Variants in MAP3K9 observed in about 807,000 individuals in gnomAD.
The protein encoded by MAP3K9 is mitogen-activated protein kinase kinase kinase 9.
Under a neutral mutation model 95.8 loss-of-function variants are expected in MAP3K9, and 46 were observed. The ratio of observed to expected loss-of-function variants is 0.48; its 90% confidence interval spans 0.38 to 0.61. MAP3K9 has a LOEUF of 0.61. Among genes scored for constraint, MAP3K9 ranks in the 20% least tolerant of loss-of-function variants. The pLI is 0.00. For synonymous variants in MAP3K9, 533 were observed against 593.8 expected (o/e 0.90, Z 1.49); for missense variants, 1,296 against 1,474.3 (o/e 0.88, Z 1.98).
intron 2 of MAP3K9, among the ~76,000 whole-genome samples, chr14:70,776,231 G>A (rs2054596685): frequency 6.6e-6 from 1 of 152,238 alleles, no homozygotes; most frequent in East Asian, 1.9e-4. Flanking sequence ...GAAGCTCACA[G>A]ACACTCAGGA....
chr14:70,808,952 G>T lies in MAP3K9; in HGVS notation c.220C>A (p.Arg74=), dbSNP rs2055030986. The part of the protein sequence containing the change: ...EAAGEDELTL[R]LGDVVEVLSK... The stretch of plus-strand genomic sequence containing the variant: ...AGCACCTCCACCACGTCGCCCAGCC[G>T]CAGGGTCAGCTCGTCCTCGCCCGCC... The change falls in exon 1 of 12, where the codon CGG becomes AGG. Residue 74 remains arginine, a synonymous_variant. Coordinates refer to ENST00000554752, the MANE Select transcript of MAP3K9 (RefSeq NM_001284230.2). 6.3e-7 allele frequency: 1 copy of T among 1,579,536 alleles called. No homozygotes were observed. The highest frequency in any genetic ancestry group is 8.6e-7 in the Non-Finnish European group (1 of 1,169,210).
intron 2 of MAP3K9, among the ~76,000 whole-genome samples, chr14:70,765,866 A>G (rs8019448): frequency 0.37 from 55,978 of 151,728 alleles, 10,472 homozygotes; most frequent in African/African-American, 0.39. Flanking sequence ...TGATGTTCGC[A>G]CGATGATGAA....
chr14:70,801,587 TG>T (rs2054931230), intron 1 of MAP3K9, among the ~76,000 whole-genome samples: 1 of 152,158 alleles, frequency 6.6e-6, no homozygotes, highest in South Asian at 2.1e-4. Context: ...AGCTTTACTG[TG>T]TACTCAGTGG....
Position 70,733,161 on chromosome 14 carries a change from G to C in MAP3K9, c.2208C>G (p.Thr736=), listed in dbSNP as rs1216562119. 2.5e-6 allele frequency: 4 copies of C among 1,612,484 alleles called. No individual in the cohort carries two copies. Among genetic ancestry groups the C allele is most frequent in the Non-Finnish European group, 3.4e-6 (4 of 1,178,872 alleles). Residue 736 remains threonine (T), a synonymous_variant, in exon 11 of 12, where the codon ACC becomes ACG. Coordinates refer to ENST00000554752, the MANE Select transcript of MAP3K9 (RefSeq NM_001284230.2). ...SATSTPQLTP[T]NSLKRGGAHH... is the part of the protein sequence containing the mutation. ...GGGCACCGCCCCGCTTGAGGCTGTT[G>C]GTTGGCGTCAGCTGAGGGGTACTCG...
chr14:70,738,205 T>G, intron 8 of MAP3K9, 40 bp downstream of exon 8: 1 of 1,573,988 alleles, frequency 6.4e-7, no homozygotes, highest in Non-Finnish European at 8.6e-7. Context: ...GGTACATCCA[T>G]CTTCAAGAGA....
At chr14:70,739,834 G>A (rs17108460) in intron 7 of MAP3K9, 5 of 1,469,410 alleles carry the variant, frequency 3.4e-6, no homozygotes, top group Non-Finnish European at 4.6e-6. Context: ...GTGACTAAAA[G>A]GTAGAGGGGG....
Position 70,733,154 on chromosome 14 carries a change from G to A in MAP3K9, c.2215C>T (p.Leu739Phe), listed in dbSNP as rs1288432646. ...CGGTGGTGGGCACCGCCCCGCTTGA[G>A]GCTGTTGGTTGGCGTCAGCTGAGGG... ...STPQLTPTNS[L>F]KRGGAHHRRC... The change falls in exon 11 of 12, where the codon CTC (leucine) becomes TTC (phenylalanine). Residue 739 changes from leucine to phenylalanine, a missense_variant. By Grantham distance (22) the Leu-to-Phe change is conservative. This residue lies in a region of MAP3K9 where 377 missense variants were observed against 417.1 expected (regional missense o/e 0.90). Coordinates refer to ENST00000554752, the MANE Select transcript of MAP3K9 (RefSeq NM_001284230.2). The A allele has an allele frequency of 1.2e-6, 2 of 1,612,826 alleles. No individual in the cohort carries two copies. Among genetic ancestry groups the A allele is most frequent in the Non-Finnish European group, 8.5e-7 (1 of 1,179,204 alleles).
intron 2 of MAP3K9, among the ~76,000 whole-genome samples, chr14:70,776,020 C>A (rs2054593292): frequency 6.6e-6 from 1 of 152,028 alleles, no homozygotes; most frequent in South Asian, 2.1e-4. Context: ...GAAACCCTAT[C>A]TCTACTAAAA....
intron 2 of MAP3K9, among the ~76,000 whole-genome samples, chr14:70,790,006 C>T (rs971288603): frequency 1.3e-5 from 2 of 152,154 alleles, no homozygotes; most frequent in African/African-American, 2.4e-5. Flanking sequence ...AGCAAAGCTC[C>T]GAGACACCAG....
At chr14:70,742,081 T>A (rs1262469378) in intron 6 of MAP3K9, among the ~76,000 whole-genome samples, 1 of 152,244 alleles carries the variant, frequency 6.6e-6, no homozygotes, top group Non-Finnish European at 1.5e-5. Flanking sequence ...GATGTGCCCC[T>A]GTGAGCCACC....
At chr14:70,739,863 A>C (rs1475362582) in intron 7 of MAP3K9, 179 bp downstream of exon 7, 6 of 1,541,744 alleles carry the variant, frequency 3.9e-6, no homozygotes, top group Non-Finnish European at 5.3e-6. Context: ...AAGTTAATGG[A>C]GAGAGACAAG....
rs200964112 is a variant in MAP3K9, at chr14:70,732,641, T to C, written c.2728A>G (p.Ser910Gly). The change falls in exon 11 of 12, where the codon AGC (serine) becomes GGC (glycine). Residue 910 changes from serine (S) to glycine (G), a missense_variant. Physicochemically the swap from Ser to Gly is moderately conservative, Grantham distance 56. Around this residue, in one of 5 missense-constraint regions of MAP3K9, gnomAD observed 433 missense variants for 441.4 expected, o/e 0.98. Coordinates refer to ENST00000554752, the MANE Select transcript of MAP3K9 (RefSeq NM_001284230.2). ...HVTLTTPSQP[S>G]SHRRTPSDGA... is the part of the protein sequence containing the mutation. ...TCAGAAGGAGTCCGCCGGTGACTGCTGGGCTGCGAGGGGGTGGTGAGGGTG... is the reference window on the plus strand; with the variant it reads ...TCAGAAGGAGTCCGCCGGTGACTGCCGGGCTGCGAGGGGGTGGTGAGGGTG... The C allele has an allele frequency of 3.7e-6, 6 of 1,606,728 alleles. No homozygotes were observed. The highest frequency in any genetic ancestry group is 5.1e-6 in the Non-Finnish European group (6 of 1,176,080).
At chr14:70,776,458 G>T (rs1364441636) in intron 2 of MAP3K9, among the ~76,000 whole-genome samples, 3 of 152,150 alleles carry the variant, frequency 2.0e-5, no homozygotes. Context: ...GAGTAGTACA[G>T]GCTGGACCCT....
At chr14:70,754,144 T>C (rs1323607761) in intron 3 of MAP3K9, among the ~76,000 whole-genome samples, 1 of 152,214 alleles carries the variant, frequency 6.6e-6, no homozygotes, top group Non-Finnish European at 1.5e-5. Flanking sequence ...AAATTGAAAG[T>C]AGCATATAAT....
chr14:70,778,090 T>C (rs1445067526), intron 2 of MAP3K9, among the ~76,000 whole-genome samples: 1 of 151,906 alleles, frequency 6.6e-6, no homozygotes, highest in Non-Finnish European at 1.5e-5. Context: ...TTGTTGTTTG[T>C]TGTTGTTGTT....
intron 2 of MAP3K9, among the ~76,000 whole-genome samples, chr14:70,796,239 T>C (rs2054862907): frequency 6.6e-6 from 1 of 152,228 alleles, no homozygotes; most frequent in Admixed American, 6.5e-5. Context: ...CCCAATTTGA[T>C]GGAGAAGAGA....
At chr14:70,770,507 C>T (rs934130250) in intron 2 of MAP3K9, among the ~76,000 whole-genome samples, 3 of 152,072 alleles carry the variant, frequency 2.0e-5, no homozygotes, top group Non-Finnish European at 1.5e-5. Flanking sequence ...TCTAAATTCA[C>T]ATGGACCTAC....
chr14:70,739,269 A>G (rs1322208582), intron 7 of MAP3K9, among the ~76,000 whole-genome samples: 1 of 152,170 alleles, frequency 6.6e-6, no homozygotes, highest in Non-Finnish European at 1.5e-5. Context: ...AGCTCGGACT[A>G]CAGATGGGTG....
chr14:70,805,454 A>C (rs1041411497), intron 1 of MAP3K9, among the ~76,000 whole-genome samples: 2 of 152,246 alleles, frequency 1.3e-5, no homozygotes, highest in African/African-American at 2.4e-5. Flanking sequence ...TAAAATAAAG[A>C]CGATGGATGA....
Sources: gnomAD v4.1 joint callset for allele counts (sites outside exome capture counted in the v4.1 genomes callset) on GRCh38, gnomAD v4.1.1 for gene constraint, gnomAD v4.1.1 regional missense constraint, MANE v1.5 for transcripts, NCBI Gene and HGNC (gene_info 2026-07-23, HGNC 2026-07-21) for gene names.